The following GRAMD2A variants were observed in gnomAD, a reference collection of about 807,000 sequenced individuals.
The protein encoded by GRAMD2A is GRAM domain-containing protein 2A.
A neutral mutation model predicts 51.1 loss-of-function variants in GRAMD2A; 37 were observed. That is an observed-to-expected ratio of 0.72 (90% CI 0.56 to 0.95). The LOEUF (loss-of-function observed/expected upper bound fraction) is 0.95. Ranked by LOEUF, GRAMD2A falls within the 40% of genes least tolerant of loss-of-function variation. The pLI, the probability that GRAMD2A is intolerant of heterozygous loss-of-function variation, is 0.00. For synonymous variants in GRAMD2A, 136 were observed against 157.1 expected (o/e 0.87, Z 1.01); for missense variants, 414 against 426.9 (o/e 0.97, Z 0.27).
At chr15:72,162,112 C>T in intron 11 of GRAMD2A, 100 bp from the exon 12 acceptor site, 1 of 1,486,102 alleles carries the variant, frequency 6.7e-7, no homozygotes, top group Non-Finnish European at 9.4e-7. Context: ...CAAGAGTGGG[C>T]CAGGGTGGGA....
At chr15:72,165,736 G>C (rs189668995) in intron 7 of GRAMD2A, among the ~76,000 whole-genome samples, 2 of 152,280 alleles carry the variant, frequency 1.3e-5, no homozygotes, top group Admixed American at 1.3e-4. Flanking sequence ...TGGACATAGA[G>C]ACGGTCCCTG....
chr15:72,196,028 AAGG>A, intron 1 of GRAMD2A, among the ~76,000 whole-genome samples: 1 of 152,318 alleles, frequency 6.6e-6, no homozygotes, highest in Non-Finnish European at 1.5e-5. Flanking sequence ...GGAAGTTGGG[AAGG>A]AGAACTTCTA....
At chr15:72,172,534 A>C (rs2081621391) in intron 1 of GRAMD2A, among the ~76,000 whole-genome samples, 1 of 151,302 alleles carries the variant, frequency 6.6e-6, no homozygotes, top group Admixed American at 6.6e-5. Context: ...CTCATGCCTC[A>C]GCCTCCCGAG....
intron 1 of GRAMD2A, among the ~76,000 whole-genome samples, chr15:72,193,702 ATT>A (rs1057060618): frequency 6.1e-5 from 9 of 148,344 alleles, no homozygotes; most frequent in Non-Finnish European, 1.2e-4. Context: ...TTTTTTCTGT[ATT>A]TTTAGTAGAG....
At chr15:72,186,200 C>T (rs1001328361) in intron 1 of GRAMD2A, among the ~76,000 whole-genome samples, 1 of 152,032 alleles carries the variant, frequency 6.6e-6, no homozygotes, top group Non-Finnish European at 1.5e-5. Context: ...TCAGTATTAC[C>T]AAGGATGTGA....
intron 7 of GRAMD2A, 58 bp from the exon 8 acceptor site, chr15:72,165,468 G>C: frequency 1.3e-6 from 2 of 1,534,056 alleles, no homozygotes. Flanking sequence ...AGGTCAGGCA[G>C]GGGGAAGCAT....
chr15:72,165,476 C>A (rs1329892026), intron 7 of GRAMD2A, 66 bp from the exon 8 acceptor site: 1 of 1,463,032 alleles, frequency 6.8e-7, no homozygotes, highest in African/African-American at 1.4e-5. Flanking sequence ...CAGGGGGAAG[C>A]ATCAGCCCTC....
chr15:72,182,107 G>C (rs1176983270), intron 1 of GRAMD2A, among the ~76,000 whole-genome samples: 1 of 152,184 alleles, frequency 6.6e-6, no homozygotes, highest in Non-Finnish European at 1.5e-5. Context: ...GCTCATGCCT[G>C]TAATCCCAAC....
chr15:72,175,288 C>T (rs956546264), intron 1 of GRAMD2A, among the ~76,000 whole-genome samples: 3 of 152,224 alleles, frequency 2.0e-5, no homozygotes, highest in African/African-American at 7.2e-5. Context: ...AAAACTGCCT[C>T]CGGCTGTGCG....
chr15:72,189,944 C>T (rs189274181), intron 1 of GRAMD2A, among the ~76,000 whole-genome samples: 4 of 152,144 alleles, frequency 2.6e-5, no homozygotes, highest in Non-Finnish European at 5.9e-5. Flanking sequence ...CAAGAAACTC[C>T]ATATAAAGAA....
In GRAMD2A at chr15:72,166,956, G is replaced by T; in HGVS notation, c.471+38C>A. On this transcript the variant is annotated intron_variant, in intron 6 of 11. Transcript: ENST00000309731. The surrounding 1 kb of genome is among the most constrained non-coding windows in gnomAD (Gnocchi z 4.1). ...ACTGTGGGCTGTCAGGGCTGGGAGC[G>T]GGAGACTGACAAGGGAGCATGGGCC... 1 of 1,501,476 alleles carries T rather than the reference G, an allele frequency of 6.7e-7. No homozygotes were observed. The allele number at this position is 1,501,476 out of a possible 1,614,324, so 93.0% of individuals were successfully genotyped here. A position where few individuals can be genotyped will look rare whatever the true frequency, so the allele number is the denominator to read the frequency against.
In GRAMD2A at chr15:72,170,337, CCCGCG is replaced by C. The variant is rs1344657255; in HGVS notation, c.42-403_42-399del. ...GCCGAGAACAAAAGTGTCCAAAGTA[CCCGCG>C]CAGCATGACTGTAAACCATCAGGTT... On this transcript the variant is annotated intron_variant, in intron 1 of 11. Coordinates refer to ENST00000309731, the MANE Select transcript of GRAMD2A (RefSeq NM_001012642.3). The surrounding 1 kb of genome is among the most constrained non-coding windows in gnomAD (Gnocchi z 4.5). The C allele has an allele frequency of 1.3e-5, 6 of 461,004 alleles. No homozygotes were observed. In the Admixed American group the frequency reaches 1.4e-4, roughly 11 times the overall value. The allele number at this position is 461,004 out of a possible 1,614,324, so 28.6% of individuals were successfully genotyped here.
intron 1 of GRAMD2A, among the ~76,000 whole-genome samples, chr15:72,184,155 C>T (rs998498719): frequency 6.6e-6 from 1 of 152,252 alleles, no homozygotes; most frequent in Non-Finnish European, 1.5e-5. Flanking sequence ...TGCCCTCGCC[C>T]CACGGCCTCA....
intron 1 of GRAMD2A, among the ~76,000 whole-genome samples, chr15:72,195,437 G>A (rs1209384216): frequency 3.3e-5 from 5 of 152,114 alleles, no homozygotes; most frequent in African/African-American, 9.7e-5. Flanking sequence ...GGTTAGGGGC[G>A]GGGTGGAGCC....
chr15:72,184,071 A>G (rs1039509429), intron 1 of GRAMD2A, among the ~76,000 whole-genome samples: 1 of 152,202 alleles, frequency 6.6e-6, no homozygotes, highest in Admixed American at 6.5e-5. Flanking sequence ...GATACTGGGA[A>G]CGGATAGATA....
intron 1 of GRAMD2A, among the ~76,000 whole-genome samples, chr15:72,177,962 A>C (rs913200859): frequency 2.6e-5 from 4 of 152,168 alleles, no homozygotes; most frequent in Non-Finnish European, 5.9e-5. Flanking sequence ...CCCTCACTTC[A>C]AGTGATCCAC....
In GRAMD2A at chr15:72,169,835, A is replaced by T; in HGVS notation, c.134+12T>A. Reference sequence around the variant, plus strand: ...GTCTGTGTGTATCTATGACTGGGAAAGGGGTCCTCACCTGTAGTCCGGGGG... The same window carrying T: ...GTCTGTGTGTATCTATGACTGGGAATGGGGTCCTCACCTGTAGTCCGGGGG... On this transcript the variant is annotated intron_variant, in intron 2 of 11. Transcript: ENST00000309731. 1 of 1,600,682 alleles carries T rather than the reference A, an allele frequency of 6.2e-7. No homozygotes were observed. Among genetic ancestry groups the T allele is most frequent in the Non-Finnish European group, 8.6e-7 (1 of 1,167,658 alleles).
chr15:72,169,510 G>A (rs1156761834), intron 2 of GRAMD2A: 8 of 545,828 alleles, frequency 1.5e-5, no homozygotes, highest in South Asian at 1.1e-4. Flanking sequence ...GGGGAGCTTG[G>A]CACAGACTCA....
At chr15:72,181,884 ATAAG>A (rs781118455) in intron 1 of GRAMD2A, among the ~76,000 whole-genome samples, 31 of 152,216 alleles carry the variant, frequency 2.0e-4, no homozygotes, top group Non-Finnish European at 1.3e-4. Context: ...TTACTGGCCC[ATAAG>A]TGAGAAGAGG....
Sources: gnomAD v4.1 joint callset for allele counts (sites outside exome capture counted in the v4.1 genomes callset) on GRCh38, gnomAD v4.1.1 for gene constraint, Gnocchi (gnomAD v3.1) non-coding constraint, MANE v1.5 for transcripts, NCBI Gene and HGNC (gene_info 2026-07-23, HGNC 2026-07-21) for gene names.